The following SLC35F1 variants were observed in gnomAD, a reference collection of about 807,000 sequenced individuals.
SLC35F1 encodes solute carrier family 35 member F1, also known as chromosome 6 open reading frame 169.
SLC35F1 carries 14 observed loss-of-function variants against 48.7 expected under a neutral mutation model. That is an observed-to-expected ratio of 0.29 (90% CI 0.19 to 0.45). The LOEUF (loss-of-function observed/expected upper bound fraction) is 0.45. SLC35F1 is among the 20% of genes least tolerant of loss of function. SLC35F1 has a pLI of 1.00. For missense variants in SLC35F1, 404 were observed against 500.0 expected (o/e 0.81, Z 1.83); for synonymous variants, 190 against 202.2 (o/e 0.94, Z 0.51).
In SLC35F1 at chr6:118,302,210, T is replaced by A. The variant is rs78051143; in HGVS notation, c.1003-11818T>A. Among the ~76,000 whole-genome samples the A allele has an allele frequency of 1.4e-3, 212 of 152,230 alleles. 1 individual carries two copies. The highest frequency in any genetic ancestry group is 4.8e-3 in the African/African-American group (199 of 41,530). ...TCACTACTTACGAGGAATGAGTGGG[T>A]ACCAATGCAAACCAGTAGCCCTGAG... On this transcript the variant is annotated intron_variant, in intron 7 of 7. Transcript: ENST00000360388.
At chr6:118,270,216 A>C (rs1306973860) in intron 4 of SLC35F1, among the ~76,000 whole-genome samples, 1 of 152,186 alleles carries the variant, frequency 6.6e-6, no homozygotes, top group Non-Finnish European at 1.5e-5. Context: ...TTATAATTAA[A>C]GCAATTGCTT....
At chr6:117,996,539 G>A (rs550520226) in intron 1 of SLC35F1, among the ~76,000 whole-genome samples, 3 of 152,304 alleles carry the variant, frequency 2.0e-5, no homozygotes, top group African/African-American at 7.2e-5. Flanking sequence ...CCCCAGTAGG[G>A]GCAGACTGAC....
chr6:117,942,568 A>G (rs1029252396), intron 1 of SLC35F1, among the ~76,000 whole-genome samples: 1 of 152,224 alleles, frequency 6.6e-6, no homozygotes, highest in African/African-American at 2.4e-5. Context: ...CATTTTGTAT[A>G]GCTTTTAAAA....
At chr6:118,278,587 C>T (rs1183813493) in intron 6 of SLC35F1, among the ~76,000 whole-genome samples, 1 of 152,210 alleles carries the variant, frequency 6.6e-6, no homozygotes, top group Non-Finnish European at 1.5e-5. Flanking sequence ...ACTTCGAGGG[C>T]TGACCAGCCT....
In SLC35F1 at chr6:118,235,617, C is replaced by T; in HGVS notation, c.458C>T (p.Thr153Ile). The T allele has an allele frequency of 6.2e-7, 1 of 1,613,328 alleles. No individual in the cohort carries two copies. The highest frequency in any genetic ancestry group is 8.5e-7 in the Non-Finnish European group (1 of 1,179,564). The change falls in exon 3 of 8, where the codon ACA becomes ATA. Residue 153 changes from threonine to isoleucine, a missense_variant. This residue lies in a region of SLC35F1 where 306 missense variants were observed against 419.1 expected (regional missense o/e 0.73). Coordinates refer to ENST00000360388, the MANE Select transcript of SLC35F1 (RefSeq NM_001029858.4). ...NYLVVKAYQYTTLTSIQLLDC... is the reference protein window; with the variant it reads ...NYLVVKAYQYITLTSIQLLDC... ...CTGGTGGTCAAGGCTTACCAATACA[C>T]AACTCTGACCAGTATCCAGGTACCC... is the stretch of plus-strand genomic sequence containing the variant.
intron 2 of SLC35F1, among the ~76,000 whole-genome samples, chr6:118,178,448 A>C (rs1330646748): frequency 6.6e-6 from 1 of 152,068 alleles, no homozygotes; most frequent in East Asian, 1.9e-4. Context: ...AGTAAATGTT[A>C]TTTCTTTAAC....
rs547807179 is a variant in SLC35F1, at chr6:118,176,159, T to C, written c.349+21539T>C. On this transcript the variant is annotated intron_variant, in intron 2 of 7. Coordinates refer to ENST00000360388, the MANE Select transcript of SLC35F1 (RefSeq NM_001029858.4). ...ATCTAGTTCTCTACCCCATGGAATA[T>C]TGAACTGTTCTTTTATTAGATAGTC... Among the ~76,000 whole-genome samples the C allele has an allele frequency of 2.0e-5, 3 of 152,208 alleles. No homozygotes were observed. The South Asian group carries it at 6.2e-4, about 32-fold the overall frequency.
In SLC35F1 at chr6:118,225,140, A is replaced by G. The variant is rs564777213; in HGVS notation, c.350-10369A>G. Among the ~76,000 whole-genome samples, 5 of 152,332 alleles carry G rather than the reference A, an allele frequency of 3.3e-5. No individual in the cohort carries two copies. The South Asian group carries it at 1.0e-3, about 32-fold the overall frequency. Reference sequence around the variant, plus strand: ...GGCTCAATGTAATTGCTATCAAAGTACCAATGACATTCTTCACAGAAATAA... The same window carrying G: ...GGCTCAATGTAATTGCTATCAAAGTGCCAATGACATTCTTCACAGAAATAA... On this transcript the variant is annotated intron_variant, in intron 2 of 7. Transcript: ENST00000360388.
intron 2 of SLC35F1, among the ~76,000 whole-genome samples, chr6:118,176,923 G>T (rs1203307992): frequency 6.6e-6 from 1 of 151,604 alleles, no homozygotes; most frequent in Non-Finnish European, 1.5e-5. Context: ...GATCACAAAT[G>T]AAAAAGGGAT....
At chr6:118,251,672 G>A (rs185105309) in intron 3 of SLC35F1, among the ~76,000 whole-genome samples, 23 of 152,202 alleles carry the variant, frequency 1.5e-4, no homozygotes, top group Admixed American at 5.2e-4. Flanking sequence ...GACAGAACAG[G>A]ACAAGTAAAG....
Position 118,102,113 on chromosome 6 carries a change from G to A in SLC35F1, c.174-52332G>A, listed in dbSNP as rs186287107. ...TTTGAACTGCTGAGCCCCTTTCATC[G>A]GGTCTAATGCTGCTGATGTAAGCAA... On this transcript the variant is annotated intron_variant, in intron 1 of 7. Transcript: ENST00000360388. Among the ~76,000 whole-genome samples the A allele has an allele frequency of 1.5e-3, 226 of 152,242 alleles. 1 individual carries two copies. The highest frequency in any genetic ancestry group is 2.7e-3 in the Admixed American group (42 of 15,292).
chr6:118,052,974 G>A (rs1253170063), intron 1 of SLC35F1, among the ~76,000 whole-genome samples: 1 of 151,976 alleles, frequency 6.6e-6, no homozygotes. Context: ...CCCCTTGTCT[G>A]TATCAGTGGT....
chr6:118,288,014 T>TG (rs371760018), intron 7 of SLC35F1, among the ~76,000 whole-genome samples: 58 of 58,538 alleles, frequency 9.9e-4, no homozygotes, highest in Non-Finnish European at 1.2e-3. Context: ...GATTTGGGTT[T>TG]TTTTTTTTTT....
chr6:118,034,222 T>C (rs1772095168), intron 1 of SLC35F1, among the ~76,000 whole-genome samples: 1 of 152,076 alleles, frequency 6.6e-6, no homozygotes, highest in African/African-American at 2.4e-5. Flanking sequence ...CTTAAAAATA[T>C]AAAACCTGTT....
chr6:118,248,998 CGAG>C (rs1358704916), intron 3 of SLC35F1, among the ~76,000 whole-genome samples: 1 of 152,198 alleles, frequency 6.6e-6, no homozygotes, highest in Non-Finnish European at 1.5e-5. Context: ...ACCATGCACG[CGAG>C]GACACAGAGA....
At chr6:118,103,425 C>T (rs116915298) in intron 1 of SLC35F1, among the ~76,000 whole-genome samples, 3,695 of 152,248 alleles carry the variant, frequency 0.024, 83 homozygotes, top group Admixed American at 0.039. Context: ...GGCTCTCCTG[C>T]CCTGATGTCT....
intron 1 of SLC35F1, among the ~76,000 whole-genome samples, chr6:117,995,558 T>A (rs1776973721): frequency 6.6e-6 from 1 of 152,088 alleles, no homozygotes; most frequent in Non-Finnish European, 1.5e-5. Context: ...CTGGCCAACA[T>A]GGTGAAACCC....
chr6:118,267,187 C>T (rs1339033852), intron 4 of SLC35F1, 33 bp downstream of exon 4: 7 of 1,612,208 alleles, frequency 4.3e-6, no homozygotes, highest in African/African-American at 2.7e-5. Context: ...GGTTCCTTAC[C>T]TCTGCGGGTG....
chr6:118,249,139 T>C (rs1358312922), intron 3 of SLC35F1, among the ~76,000 whole-genome samples: 1 of 152,202 alleles, frequency 6.6e-6, no homozygotes, highest in African/African-American at 2.4e-5. Flanking sequence ...AAGCCACCAG[T>C]CTATGGTATT....
Sources: allele counts gnomAD v4.1 joint callset (sites outside exome capture counted in the v4.1 genomes callset), GRCh38; gene constraint gnomAD v4.1.1; regional missense constraint gnomAD v4.1.1; transcripts MANE v1.5; gene names NCBI Gene and HGNC (gene_info 2026-07-23, HGNC 2026-07-21).